The following PGM5 variants were observed in gnomAD, a reference collection of about 807,000 sequenced individuals.
The protein encoded by PGM5 is phosphoglucomutase-like protein 5.
A neutral mutation model predicts 59.2 loss-of-function variants in PGM5; 23 were observed. That is an observed-to-expected ratio of 0.39 (90% CI 0.28 to 0.55). PGM5 has a LOEUF of 0.55. Among genes scored for constraint, PGM5 ranks in the 20% least tolerant of loss-of-function variants. The pLI is 0.66. For missense variants in PGM5, 574 were observed against 748.3 expected (o/e 0.77, Z 2.72); for synonymous variants, 214 against 286.0 (o/e 0.75, Z 2.54).
At chr9:68,513,048 C>A (rs1554689499) in intron 10 of PGM5, among the ~76,000 whole-genome samples, 2 of 152,282 alleles carry the variant, frequency 1.3e-5, no homozygotes, top group Admixed American at 1.3e-4. Context: ...TTGATCCTTG[C>A]CTTATAGGTT....
intron 1 of PGM5, among the ~76,000 whole-genome samples, chr9:68,359,859 T>G (rs544073169): frequency 6.6e-6 from 1 of 152,358 alleles, no homozygotes; most frequent in East Asian, 1.9e-4. Flanking sequence ...TTTCATTTTT[T>G]TTGAGACTGG....
chr9:68,456,287 T>G (rs548162423), intron 6 of PGM5, among the ~76,000 whole-genome samples: 5 of 150,910 alleles, frequency 3.3e-5, no homozygotes, highest in Non-Finnish European at 7.4e-5. Flanking sequence ...TTAGATTTTT[T>G]CTTTTTTTTT....
At chr9:68,469,921 A>C (rs1363492072) in intron 7 of PGM5, among the ~76,000 whole-genome samples, 2 of 152,216 alleles carry the variant, frequency 1.3e-5, no homozygotes, top group African/African-American at 4.8e-5. Context: ...TGTATTTCTG[A>C]AGATCTGGGT....
At chr9:68,382,781 C>T (rs1822109912) in intron 2 of PGM5, among the ~76,000 whole-genome samples, 1 of 151,646 alleles carries the variant, frequency 6.6e-6, no homozygotes, top group South Asian at 2.1e-4. Flanking sequence ...TTGATGAACT[C>T]TGAAGTTATC....
At chr9:68,432,252 T>C (rs1554683085) in intron 6 of PGM5, among the ~76,000 whole-genome samples, 1 of 151,390 alleles carries the variant, frequency 6.6e-6, no homozygotes, top group Non-Finnish European at 1.5e-5. Flanking sequence ...CAGGCTGGAG[T>C]GTAGTGGTGC....
chr9:68,514,007 C>A (rs549461620), intron 10 of PGM5, among the ~76,000 whole-genome samples: 1 of 152,306 alleles, frequency 6.6e-6, no homozygotes, highest in East Asian at 1.9e-4. Flanking sequence ...TTTTTAACAG[C>A]GCTTTATACT....
chr9:68,502,482 A>G (rs1409516370), intron 10 of PGM5, among the ~76,000 whole-genome samples: 1 of 152,164 alleles, frequency 6.6e-6, no homozygotes, highest in African/African-American at 2.4e-5. Context: ...AAGGAACAAT[A>G]GAAGATCCAA....
chr9:68,433,759 G>C (rs1420754734), intron 6 of PGM5, among the ~76,000 whole-genome samples: 3 of 152,152 alleles, frequency 2.0e-5, no homozygotes, highest in African/African-American at 7.2e-5. Flanking sequence ...TTCACTTTAA[G>C]GCCATGTTTT....
chr9:68,468,373 C>A (rs1187167468), intron 7 of PGM5, among the ~76,000 whole-genome samples: 1 of 152,136 alleles, frequency 6.6e-6, no homozygotes, highest in African/African-American at 2.4e-5. Context: ...AATCTAGCAA[C>A]TGGAATGAAA....
intron 10 of PGM5, among the ~76,000 whole-genome samples, chr9:68,528,205 C>T (rs1587236563): frequency 6.6e-6 from 1 of 152,146 alleles, no homozygotes; most frequent in African/African-American, 2.4e-5. Context: ...CTATCAGTAT[C>T]TCTATATTAA....
chr9:68,501,010 G>A (rs1388519583), intron 10 of PGM5, among the ~76,000 whole-genome samples: 2 of 151,832 alleles, frequency 1.3e-5, no homozygotes, highest in Middle Eastern at 3.4e-3. Flanking sequence ...GTCTCCATCA[G>A]CCTACTCTTA....
At chr9:68,447,041 C>T (rs1394516526) in intron 6 of PGM5, among the ~76,000 whole-genome samples, 3 of 152,098 alleles carry the variant, frequency 2.0e-5, no homozygotes, top group African/African-American at 4.8e-5. Context: ...GAACGTGGTG[C>T]GTGCAGGGAA....
At chr9:68,444,513 T>C (rs1823580799) in intron 6 of PGM5, among the ~76,000 whole-genome samples, 1 of 152,212 alleles carries the variant, frequency 6.6e-6, no homozygotes, top group African/African-American at 2.4e-5. Context: ...GTAGGAATTA[T>C]GTATGGGCAA....
intron 6 of PGM5, chr9:68,393,873 A>C (rs1473481960): frequency 6.6e-6 from 1 of 152,180 alleles, no homozygotes; most frequent in Non-Finnish European, 1.5e-5. Flanking sequence ...ATGTCCATCA[A>C]CAGGAGATTG....
At chr9:68,512,883 A>T (rs1368214341) in intron 10 of PGM5, among the ~76,000 whole-genome samples, 2 of 152,250 alleles carry the variant, frequency 1.3e-5, no homozygotes, top group African/African-American at 4.8e-5. Flanking sequence ...GTGAAGCTAT[A>T]TTCCAATAAA....
At chr9:68,516,667 G>T (rs1364354341) in intron 10 of PGM5, among the ~76,000 whole-genome samples, 1 of 152,074 alleles carries the variant, frequency 6.6e-6, no homozygotes, top group Admixed American at 6.5e-5. Context: ...CAACATGGGA[G>T]GGGGAAGAGC....
intron 6 of PGM5, chr9:68,394,269 C>T (rs1348137064): frequency 6.6e-6 from 1 of 151,916 alleles, no homozygotes; most frequent in Non-Finnish European, 1.5e-5. Context: ...GAATCAACAC[C>T]ATGAAAAAAT....
At chr9:68,493,283 A>C (rs1457081812) in intron 9 of PGM5, among the ~76,000 whole-genome samples, 1 of 152,244 alleles carries the variant, frequency 6.6e-6, no homozygotes, top group Non-Finnish European at 1.5e-5. Flanking sequence ...TTAAAATTAA[A>C]AAAATAGTAA....
chr9:68,492,676 T>C (rs1327598081), intron 9 of PGM5, among the ~76,000 whole-genome samples: 1 of 152,188 alleles, frequency 6.6e-6, no homozygotes, highest in Non-Finnish European at 1.5e-5. Flanking sequence ...GGGCACCTGT[T>C]TTTAACTCAC....
Sources: allele counts gnomAD v4.1 joint callset (sites outside exome capture counted in the v4.1 genomes callset), GRCh38; gene constraint gnomAD v4.1.1; transcripts MANE v1.5; gene names NCBI Gene and HGNC (gene_info 2026-07-23, HGNC 2026-07-21).